Variants in RIC1 observed in about 807,000 individuals in gnomAD.
RIC1 encodes guanine nucleotide exchange factor subunit RIC1.
In RIC1, 88 loss-of-function variants were observed where a neutral mutation model predicts 169.0. The observed-to-expected ratio is 0.52, with a 90% confidence interval of 0.44 to 0.62. The LOEUF (loss-of-function observed/expected upper bound fraction) is 0.62, where lower values mean the gene tolerates loss of function less well. Among genes scored for constraint, RIC1 ranks in the 20% least tolerant of loss-of-function variants. The pLI, the probability that RIC1 is intolerant of heterozygous loss-of-function variation, is 0.00. For synonymous variants in RIC1, 790 were observed against 601.5 expected, an observed-to-expected ratio of 1.31 and a Z score of -4.59; for missense variants, 1,877 against 1,725.5, an observed-to-expected ratio of 1.09 and a Z score of -1.56.
Position 5,656,624 on chromosome 9 carries a change from A to C in RIC1, c.186A>C (p.Ser62=). Residue 62 remains serine, a synonymous_variant, in exon 2 of 26, where the codon TCA becomes TCC. Coordinates refer to ENST00000414202, the MANE Select transcript of RIC1 (RefSeq NM_020829.4). ...LIVTYKEPAK[S]STQFGSYKQA... The stretch of plus-strand genomic sequence containing the variant: ...TAACCTACAAGGAGCCTGCAAAATC[A>C]TCTACTCAGTTTGGATCCTACAAGC... 1 of 1,609,160 alleles carries C rather than the reference A, an allele frequency of 6.2e-7. No homozygotes were observed.
At chr9:5,655,450 G>T (rs1819038276) in intron 1 of RIC1, among the ~76,000 whole-genome samples, 1 of 152,036 alleles carries the variant, frequency 6.6e-6, no homozygotes, top group Non-Finnish European at 1.5e-5. Flanking sequence ...ATAGGCGCCT[G>T]CCACCACACC....
downstream of RIC1, among the ~76,000 whole-genome samples, chr9:5,778,511 T>C (rs1827697229): frequency 6.6e-6 from 1 of 152,230 alleles, no homozygotes; most frequent in South Asian, 2.1e-4. Context: ...TGATGCTAGC[T>C]GTGGGTTTTT....
chr9:5,668,625 C>G (rs966941142), intron 2 of RIC1, among the ~76,000 whole-genome samples: 3 of 152,086 alleles, frequency 2.0e-5, no homozygotes, highest in Non-Finnish European at 4.4e-5. Flanking sequence ...GTCTTATTTT[C>G]AAGTACATTT....
intron 2 of RIC1, among the ~76,000 whole-genome samples, chr9:5,669,166 C>T (rs1461799807): frequency 6.6e-6 from 1 of 152,108 alleles, no homozygotes; most frequent in East Asian, 1.9e-4. Context: ...TCTCTGTTGC[C>T]AGCCAGTCAT....
At chr9:5,677,612 T>A (rs547267778) in intron 2 of RIC1, among the ~76,000 whole-genome samples, 1 of 152,166 alleles carries the variant, frequency 6.6e-6, no homozygotes, top group African/African-American at 2.4e-5. Context: ...TCACACAGTG[T>A]TAGGTCTCCA....
intron 2 of RIC1, among the ~76,000 whole-genome samples, chr9:5,673,537 T>G (rs974451267): frequency 7.3e-6 from 1 of 136,664 alleles, no homozygotes; most frequent in Non-Finnish European, 1.5e-5. Context: ...CATAAGGAGA[T>G]ATATATATAT....
chr9:5,712,739 T>C (rs1309676811), intron 3 of RIC1: 11 of 152,210 alleles, frequency 7.2e-5, no homozygotes, highest in African/African-American at 7.2e-5. Flanking sequence ...ACAGACTGTG[T>C]GTTCAGCAGT....
At chr9:5,658,839 C>T (rs548618022) in intron 2 of RIC1, among the ~76,000 whole-genome samples, 12 of 149,208 alleles carry the variant, frequency 8.0e-5, no homozygotes, top group South Asian at 6.3e-4. Flanking sequence ...TTTTTTTTAC[C>T]GAGACTGACT....
chr9:5,684,564 A>C (rs535134400), intron 2 of RIC1, among the ~76,000 whole-genome samples: 5 of 152,162 alleles, frequency 3.3e-5, no homozygotes, highest in Admixed American at 3.3e-4. Context: ...GTATGTAAAA[A>C]TGCAGTTGAT....
At chr9:5,641,367 A>C (rs1818237087) in intron 1 of RIC1, among the ~76,000 whole-genome samples, 1 of 152,108 alleles carries the variant, frequency 6.6e-6, no homozygotes, top group African/African-American at 2.4e-5. Flanking sequence ...CTGGGATTAC[A>C]GGCATGAGCC....
chr9:5,724,376 A>G (rs1437575412), intron 6 of RIC1, among the ~76,000 whole-genome samples: 1 of 152,214 alleles, frequency 6.6e-6, no homozygotes, highest in Non-Finnish European at 1.5e-5. Flanking sequence ...TTATTGGTGT[A>G]TAGGAATGCT....
intron 1 of RIC1, among the ~76,000 whole-genome samples, chr9:5,641,676 TC>T (rs1818258447): frequency 8.7e-6 from 1 of 115,394 alleles, no homozygotes; most frequent in African/African-American, 5.2e-5. Context: ...ACTAATTCTT[TC>T]TTCTGCTTGA....
At chr9:5,649,512 T>C (rs4631516) in intron 1 of RIC1, among the ~76,000 whole-genome samples, 70,994 of 151,830 alleles carry the variant, frequency 0.47, 17,104 homozygotes, top group East Asian at 0.6. Flanking sequence ...TTCTTCGGTT[T>C]GAGGATTTCT....
downstream of RIC1, among the ~76,000 whole-genome samples, chr9:5,777,029 A>G (rs2131177437): frequency 6.6e-6 from 1 of 152,262 alleles, no homozygotes; most frequent in Non-Finnish European, 1.5e-5. Flanking sequence ...GCACCAAAGC[A>G]TGTTGTTATT....
chr9:5,638,922 T>C (rs2130290373), intron 1 of RIC1, among the ~76,000 whole-genome samples: 1 of 152,288 alleles, frequency 6.6e-6, no homozygotes, highest in East Asian at 1.9e-4. Context: ...GAAGTTTTTC[T>C]TCTTGTTTTC....
intron 8 of RIC1, among the ~76,000 whole-genome samples, chr9:5,740,946 C>G (rs978291523): frequency 1.3e-5 from 2 of 152,166 alleles, no homozygotes; most frequent in Non-Finnish European, 2.9e-5. Flanking sequence ...ATATCTTTGA[C>G]CAACTCATAC....
intron 3 of RIC1, chr9:5,713,284 G>A (rs1238918329): frequency 6.6e-6 from 1 of 152,158 alleles, no homozygotes; most frequent in Non-Finnish European, 1.5e-5. Context: ...TCCTTTGAAG[G>A]GTCGTGTGTG....
chr9:5,652,947 C>T (rs751851491), intron 1 of RIC1, among the ~76,000 whole-genome samples: 1 of 152,162 alleles, frequency 6.6e-6, no homozygotes, highest in Non-Finnish European at 1.5e-5. Context: ...TTTTCTGCCT[C>T]TCCTGAAATG....
intron 2 of RIC1, among the ~76,000 whole-genome samples, chr9:5,663,554 G>T (rs1260792848): frequency 2.0e-5 from 3 of 151,962 alleles, no homozygotes; most frequent in Admixed American, 6.6e-5. Context: ...TTATTAAATT[G>T]AACCCTTTAT....
Sources: gnomAD v4.1 joint callset for allele counts (sites outside exome capture counted in the v4.1 genomes callset) on GRCh38, gnomAD v4.1.1 for gene constraint, MANE v1.5 for transcripts, NCBI Gene and HGNC (gene_info 2026-07-23, HGNC 2026-07-21) for gene names.